Variants in PARD3B observed in about 807,000 individuals in gnomAD.
The protein encoded by PARD3B is partitioning defective 3 homolog B.
In PARD3B, 103 loss-of-function variants were observed where a neutral mutation model predicts 130.2. The ratio of observed to expected loss-of-function variants is 0.79; its 90% CI spans 0.67 to 0.93. The LOEUF (loss-of-function observed/expected upper bound fraction) is 0.93, where lower values mean the gene tolerates loss of function less well. PARD3B is among the 40% of genes least tolerant of loss of function. PARD3B has a pLI of 0.00. For missense variants in PARD3B, 1,609 were observed against 1,499.2 expected, an observed-to-expected ratio of 1.07 and a Z score of -1.21; for synonymous variants, 583 against 553.2, an observed-to-expected ratio of 1.05 and a Z score of -0.76.
intron 3 of PARD3B, among the ~76,000 whole-genome samples, chr2:204,969,271 G>A (rs2125170424): frequency 6.6e-6 from 1 of 152,304 alleles, no homozygotes; most frequent in East Asian, 1.9e-4. Flanking sequence ...ATGGATGCTT[G>A]ATTCTAGTTA....
chr2:205,582,935 T>C (rs972576809), intron 22 of PARD3B, among the ~76,000 whole-genome samples: 3 of 152,140 alleles, frequency 2.0e-5, no homozygotes, highest in African/African-American at 4.8e-5. Context: ...GCTCGGTCAT[T>C]GAACTGGCCA....
At chr2:205,396,552 G>A (rs965271670) in intron 18 of PARD3B, among the ~76,000 whole-genome samples, 3 of 152,218 alleles carry the variant, frequency 2.0e-5, no homozygotes, top group Non-Finnish European at 2.9e-5. Context: ...TACATAAAGC[G>A]TATGTTGAAA....
At chr2:205,040,624 A>G (rs1698330003) in intron 3 of PARD3B, among the ~76,000 whole-genome samples, 2 of 152,200 alleles carry the variant, frequency 1.3e-5, no homozygotes, top group South Asian at 4.1e-4. Flanking sequence ...AATATGGATT[A>G]CCTGGAAGAA....
rs1168336418 is a variant in PARD3B, at chr2:204,907,015, C to G, written c.223-58137C>G. Among the ~76,000 whole-genome samples, 1 of 151,876 alleles carries G rather than the reference C, an allele frequency of 6.6e-6. No individual in the cohort carries two copies. The highest frequency in any genetic ancestry group is 1.5e-5 in the Non-Finnish European group (1 of 67,990). ...TTTTCTTTTCAGACTGAGTCTTGCT[C>G]TGTCGCCCAGGCTGGAGTTCAGTGG... On this transcript the variant is annotated intron_variant, in intron 2 of 22. Coordinates refer to ENST00000406610, the MANE Select transcript of PARD3B (RefSeq NM_001302769.2). This position sits in a 1 kb window ranked among gnomAD's most constrained non-coding sequence, Gnocchi z 5.7.
chr2:205,328,283 T>A (rs2043001353), intron 18 of PARD3B, among the ~76,000 whole-genome samples: 1 of 152,172 alleles, frequency 6.6e-6, no homozygotes, highest in Non-Finnish European at 1.5e-5. Flanking sequence ...TATATCATTA[T>A]CTCTTATTGT....
chr2:205,143,450 A>C (rs1204673099), intron 10 of PARD3B, among the ~76,000 whole-genome samples: 1 of 152,208 alleles, frequency 6.6e-6, no homozygotes, highest in Admixed American at 6.5e-5. Context: ...TTCAGGGAAG[A>C]AAGAAGTCCT....
intron 4 of PARD3B, among the ~76,000 whole-genome samples, chr2:205,064,733 C>A (rs1054915494): frequency 6.6e-6 from 1 of 152,114 alleles, no homozygotes; most frequent in Non-Finnish European, 1.5e-5. Context: ...GTCAAGGGAG[C>A]TTCAAGGAAA....
chr2:205,507,703 G>A (rs76029675), intron 21 of PARD3B, among the ~76,000 whole-genome samples: 4,836 of 152,196 alleles, frequency 0.032, 165 homozygotes, highest in South Asian at 0.14. Flanking sequence ...CGACAACTTC[G>A]AGTTCTAATA....
chr2:205,614,200 T>G (rs537692914), intron 22 of PARD3B, among the ~76,000 whole-genome samples: 2 of 152,310 alleles, frequency 1.3e-5, no homozygotes, highest in South Asian at 2.1e-4. Flanking sequence ...CTGCTTCTGT[T>G]ATGGCAAACG....
chr2:205,416,436 G>C (rs1476126608), intron 19 of PARD3B, among the ~76,000 whole-genome samples: 1 of 152,088 alleles, frequency 6.6e-6, no homozygotes, highest in East Asian at 1.9e-4. Flanking sequence ...AGAGAATTAG[G>C]TTCTTGGAGA....
Position 205,229,514 on chromosome 2 carries a change from C to G in PARD3B, c.2141-16264C>G, listed in dbSNP as rs1056018566. ...TTATTTTCCCCCAAACACATAAAGC[C>G]TCTCTCTGTGTGCTGAGCCACCTAG... On this transcript the variant is annotated intron_variant, in intron 15 of 22. Transcript: ENST00000406610. The surrounding 1 kb of genome is among the most constrained non-coding windows in gnomAD (Gnocchi z 5.2). Among the ~76,000 whole-genome samples the G allele has an allele frequency of 6.6e-6, 1 of 152,162 alleles. No individual in the cohort carries two copies. The highest frequency in any genetic ancestry group is 1.5e-5 in the Non-Finnish European group (1 of 68,024).
At chr2:204,691,418 G>C (rs935376045) in intron 2 of PARD3B, among the ~76,000 whole-genome samples, 3 of 152,106 alleles carry the variant, frequency 2.0e-5, no homozygotes, top group Admixed American at 2.0e-4. Context: ...AGAGATGCCA[G>C]TGGTTTTCAG....
In PARD3B at chr2:204,887,557, A is replaced by T. The variant is rs2046306528; in HGVS notation, c.223-77595A>T. Among the ~76,000 whole-genome samples, 1 of 152,198 alleles carries T rather than the reference A, an allele frequency of 6.6e-6. No individual in the cohort carries two copies. The highest frequency in any genetic ancestry group is 2.4e-5 in the African/African-American group (1 of 41,466). ...AGAGGTGTTTTTATTTTTTAAAAAG[A>T]ACGAAGAGATGGCAAACTAACCTAT... On this transcript the variant is annotated intron_variant, in intron 2 of 22. Transcript: ENST00000406610. This position sits in a 1 kb window ranked among gnomAD's most constrained non-coding sequence, Gnocchi z 4.2.
chr2:205,279,191 A>T (rs763848594), intron 16 of PARD3B, among the ~76,000 whole-genome samples: 2 of 151,064 alleles, frequency 1.3e-5, no homozygotes, highest in Non-Finnish European at 2.9e-5. Context: ...ATAAGTGGTC[A>T]TGTTGCCAAC....
At chr2:205,117,916 TAC>T (rs745919031) in intron 6 of PARD3B, among the ~76,000 whole-genome samples, 40 of 20,416 alleles carry the variant, frequency 2.0e-3, no homozygotes, top group African/African-American at 2.4e-3. Context: ...TGTATGTGTG[TAC>T]ACACACACAC....
At chr2:205,082,241 C>T (rs1200333735) in intron 4 of PARD3B, among the ~76,000 whole-genome samples, 2 of 151,882 alleles carry the variant, frequency 1.3e-5, no homozygotes, top group African/African-American at 4.8e-5. Context: ...TACAGTAGTC[C>T]CCCTTTATCC....
chr2:204,917,899 T>C (rs972544377), intron 2 of PARD3B, among the ~76,000 whole-genome samples: 1 of 152,198 alleles, frequency 6.6e-6, no homozygotes. Context: ...AAAGTGATTG[T>C]ATTTTTATTT....
At chr2:205,046,453 G>A (rs1279337202) in intron 3 of PARD3B, among the ~76,000 whole-genome samples, 3 of 149,896 alleles carry the variant, frequency 2.0e-5, no homozygotes, top group Non-Finnish European at 1.5e-5. Context: ...GTCCTAAGTA[G>A]CATGTTAATT....
At chr2:205,250,227 T>G (rs2039780139) in intron 16 of PARD3B, among the ~76,000 whole-genome samples, 1 of 141,636 alleles carries the variant, frequency 7.1e-6, no homozygotes, top group Admixed American at 7.0e-5. Context: ...TTTTTTAGTG[T>G]CTTCTTTTTT....
Sources: allele counts gnomAD v4.1 joint callset (sites outside exome capture counted in the v4.1 genomes callset), GRCh38; gene constraint gnomAD v4.1.1; non-coding constraint Gnocchi (gnomAD v3.1); transcripts MANE v1.5; gene names NCBI Gene and HGNC (gene_info 2026-07-23, HGNC 2026-07-21).